The following ABL1 variants were observed in gnomAD, a reference collection of about 807,000 sequenced individuals.
ABL1 encodes tyrosine-protein kinase ABL1.
Under a neutral mutation model 94.7 loss-of-function variants are expected in ABL1, and 11 were observed. The observed-to-expected ratio is 0.12, with a 90% CI of 0.07 to 0.19. The LOEUF (loss-of-function observed/expected upper bound fraction) is 0.19. Ranked by LOEUF, ABL1 falls within the 10% of genes least tolerant of loss-of-function variation. The probability of loss-of-function intolerance (pLI) is 1.00; values close to 1 mark genes in which losing one functional copy is unlikely to be tolerated. For synonymous variants in ABL1, 656 were observed against 622.4 expected (o/e 1.05, Z -0.80); for missense variants, 1,082 against 1,489.4 (o/e 0.73, Z 4.50).
intron 8 of ABL1, 93 bp from the exon 9 acceptor site, chr9:130,879,975 T>C: frequency 8.5e-7 from 1 of 1,176,356 alleles, no homozygotes. Context: ...GATTGGAATG[T>C]TGCTTTCATT....
At chr9:130,733,635 G>A (rs1831694913) in intron 1 of ABL1, among the ~76,000 whole-genome samples, 1 of 144,238 alleles carries the variant, frequency 6.9e-6, no homozygotes, top group African/African-American at 2.6e-5. Context: ...CTGGAGTGCA[G>A]TGGCGTAATC....
At chr9:130,804,063 A>G (rs1830091493) in intron 1 of ABL1, among the ~76,000 whole-genome samples, 1 of 152,042 alleles carries the variant, frequency 6.6e-6, no homozygotes, top group Non-Finnish European at 1.5e-5. Flanking sequence ...CTCTTAAGAA[A>G]AAAAAAAAAA....
At chr9:130,735,550 G>A (rs553470655) in intron 1 of ABL1, among the ~76,000 whole-genome samples, 3 of 151,404 alleles carry the variant, frequency 2.0e-5, no homozygotes, top group South Asian at 4.2e-4. Flanking sequence ...ACAAAAGATA[G>A]CATACAGTAT....
chr9:130,821,839 TA>T (rs1484565736), intron 1 of ABL1, among the ~76,000 whole-genome samples: 94 of 10,694 alleles, frequency 8.8e-3, no homozygotes, highest in South Asian at 0.022. Context: ...TTATTATTAT[TA>T]TTTTTTTTTT....
chr9:130,802,151 G>A (rs1017080610), intron 1 of ABL1, among the ~76,000 whole-genome samples: 13 of 143,328 alleles, frequency 9.1e-5, no homozygotes, highest in African/African-American at 3.2e-4. Context: ...ATGGTACAGC[G>A]GTGTGATCAC....
At chr9:130,721,276 G>T (rs1469120183) in intron 1 of ABL1, among the ~76,000 whole-genome samples, 1 of 151,862 alleles carries the variant, frequency 6.6e-6, no homozygotes, top group Non-Finnish European at 1.5e-5. Context: ...TACATGGGAG[G>T]CTGAGGCAGA....
chr9:130,856,322 A>G (rs1830975034), intron 3 of ABL1, among the ~76,000 whole-genome samples: 1 of 152,190 alleles, frequency 6.6e-6, no homozygotes, highest in Non-Finnish European at 1.5e-5. Context: ...TCCTGACCTC[A>G]GGTGATCCAC....
chr9:130,879,836 A>G (rs2133021690), intron 8 of ABL1, among the ~76,000 whole-genome samples: 1 of 152,340 alleles, frequency 6.6e-6, no homozygotes, highest in South Asian at 2.1e-4. Context: ...TCTTGCTGTC[A>G]CTGTCTCTCT....
chr9:130,881,063 A>G (rs1213079591), intron 10 of ABL1, among the ~76,000 whole-genome samples: 2 of 152,262 alleles, frequency 1.3e-5, no homozygotes, highest in African/African-American at 2.4e-5. Context: ...AGCTCGCTGC[A>G]GCCAGGTGGA....
intron 1 of ABL1, among the ~76,000 whole-genome samples, chr9:130,732,279 A>C (rs1831676223): frequency 6.6e-6 from 1 of 152,088 alleles, no homozygotes; most frequent in African/African-American, 2.4e-5. Flanking sequence ...CTTTGTGTCT[A>C]ATTTATATTC....
chr9:130,804,580 G>A (rs374478218), intron 1 of ABL1, among the ~76,000 whole-genome samples: 4 of 152,202 alleles, frequency 2.6e-5, no homozygotes, highest in East Asian at 1.9e-4. Context: ...GCCAAACTCC[G>A]TCTCGAAAAG....
At chr9:130,793,073 C>T (rs1829929733) in intron 1 of ABL1, among the ~76,000 whole-genome samples, 1 of 152,052 alleles carries the variant, frequency 6.6e-6, no homozygotes, top group African/African-American at 2.4e-5. Flanking sequence ...TTACAGGTGC[C>T]CGCCACCATG....
intron 1 of ABL1, among the ~76,000 whole-genome samples, chr9:130,769,851 C>G (rs1832231405): frequency 6.6e-6 from 1 of 152,154 alleles, no homozygotes; most frequent in South Asian, 2.1e-4. Flanking sequence ...CATCCTTTCT[C>G]TCTTCTCCCA....
At chr9:130,816,349 AT>A (rs903066369) in intron 1 of ABL1, among the ~76,000 whole-genome samples, 5 of 151,752 alleles carry the variant, frequency 3.3e-5, no homozygotes, top group Admixed American at 1.3e-4. Flanking sequence ...TTAATTAAAA[AT>A]TTTTTTTGTG....
At chr9:130,857,549 G>A (rs867089826) in intron 3 of ABL1, among the ~76,000 whole-genome samples, 2 of 151,674 alleles carry the variant, frequency 1.3e-5, no homozygotes, top group African/African-American at 2.4e-5. Flanking sequence ...CTGTCTATCC[G>A]TATGCCAGTA....
At chr9:130,713,332 C>T (rs1373077688) in exon 1 of ABL1, among the ~76,000 whole-genome samples, 2 of 152,194 alleles carry the variant, frequency 1.3e-5, no homozygotes, top group Admixed American at 6.5e-5. Context: ...CTGTCTGGGC[C>T]GCGAGAGTCC....
In ABL1 at chr9:130,750,233, A is replaced by ATC. The variant is rs1297293081; in HGVS notation, c.136+35779_136+35780insCT. Among the ~76,000 whole-genome samples the ATC allele has an allele frequency of 8.8e-5, 12 of 136,922 alleles. No individual in the cohort carries two copies. The East Asian group carries it at 1.0e-3, about 12-fold the overall frequency. The allele number at this position is 136,922 out of a possible 152,430, so 89.8% of individuals were successfully genotyped here. Reference sequence around the variant, plus strand: ...TATATATATATATATATATATATATATATCCAAGTATAAGTATATACTTAG... The same window carrying ATC: ...TATATATATATATATATATATATATATCTATCCAAGTATAAGTATATACTTAG... On this transcript the variant is annotated intron_variant, in intron 1 of 10. Coordinates refer to the ABL1 transcript ENST00000372348.
At chr9:130,734,796 A>G (rs2132701061) in intron 1 of ABL1, among the ~76,000 whole-genome samples, 1 of 152,240 alleles carries the variant, frequency 6.6e-6, no homozygotes, top group African/African-American at 2.4e-5. Context: ...CGGTGCAATT[A>G]CAAGTGTGAG....
chr9:130,734,582 C>T (rs887579386), intron 1 of ABL1, among the ~76,000 whole-genome samples: 5 of 149,344 alleles, frequency 3.3e-5, no homozygotes, highest in African/African-American at 1.2e-4. Context: ...AGTGCACTGG[C>T]ATGATCTTGG....
Sources: gnomAD v4.1 joint callset for allele counts (sites outside exome capture counted in the v4.1 genomes callset) on GRCh38, gnomAD v4.1.1 for gene constraint, MANE v1.5 for transcripts, NCBI Gene and HGNC (gene_info 2026-07-23, HGNC 2026-07-21) for gene names.